The following GRM8 variants were observed in gnomAD, a reference collection of about 807,000 sequenced individuals.
GRM8 encodes glutamate metabotropic receptor 8.
Under a neutral mutation model 87.2 loss-of-function variants are expected in GRM8, and 47 were observed. The observed-to-expected ratio is 0.54, with a 90% confidence interval of 0.43 to 0.69. The LOEUF is 0.69. GRM8 is among the 30% of genes least tolerant of loss of function. GRM8 has a pLI of 0.00. For missense variants in GRM8, 1,019 were observed against 1,139.2 expected (o/e 0.89, Z 1.52); for synonymous variants, 396 against 404.5 (o/e 0.98, Z 0.25).
intron 2 of GRM8, among the ~76,000 whole-genome samples, chr7:127,183,177 ATACTT>A (rs763807698): frequency 3.6e-4 from 54 of 152,098 alleles, no homozygotes; most frequent in Non-Finnish European, 4.9e-4. Context: ...TTCAGGAAAA[ATACTT>A]AAATAAAGGC....
intron 3 of GRM8, among the ~76,000 whole-genome samples, chr7:126,936,081 A>G (rs1298654238): frequency 6.6e-6 from 1 of 152,208 alleles, no homozygotes; most frequent in Non-Finnish European, 1.5e-5. Context: ...GATAAAAACC[A>G]TCTAAATCAT....
chr7:126,600,118 C>T lies in GRM8; in HGVS notation c.1494+9244G>A, dbSNP rs148201888. Among the ~76,000 whole-genome samples, 7 of 152,258 alleles carry T rather than the reference C, an allele frequency of 4.6e-5. No homozygotes were observed. In the East Asian group the frequency reaches 1.2e-3, roughly 25 times the overall value. On this transcript the variant is annotated intron_variant, in intron 8 of 10. Transcript: ENST00000339582. Reference sequence around the variant, plus strand: ...AAGGTGATCATTGATTCCTTGAATTCACATTCAAACCACTGAATTCAAATA... The same window carrying T: ...AAGGTGATCATTGATTCCTTGAATTTACATTCAAACCACTGAATTCAAATA...
At chr7:126,812,910 T>C (rs1462710471) in intron 6 of GRM8, among the ~76,000 whole-genome samples, 2 of 152,108 alleles carry the variant, frequency 1.3e-5, no homozygotes, top group African/African-American at 4.8e-5. Context: ...GAAACTTTTA[T>C]GCAGTCTACC....
At position 127,053,798 on chromosome 7, in the gene GRM8, A is replaced by AGGGG. The variant is rs33927872; in HGVS notation, c.727+52694_727+52697dup. 3.3e-4 allele frequency among the ~76,000 whole-genome samples: 34 copies of AGGGG among 104,412 alleles called. 1 individual carries two copies. Among genetic ancestry groups the AGGGG allele is most frequent in the Admixed American group, 5.3e-4 (5 of 9,480 alleles). The allele number at this position is 104,412 out of a possible 152,430, so 68.5% of individuals were successfully genotyped here. ...GCGAGACTCTGTCTCAAAAAAAAAA[A>AGGGG]GGGGGGGGGGAATATACATTTCATC... On this transcript the variant is annotated intron_variant, in intron 3 of 10. Coordinates refer to ENST00000339582, the MANE Select transcript of GRM8 (RefSeq NM_000845.3).
chr7:126,739,760 C>T (rs1272622058), intron 7 of GRM8, among the ~76,000 whole-genome samples: 1 of 152,002 alleles, frequency 6.6e-6, no homozygotes, highest in Non-Finnish European at 1.5e-5. Context: ...ACATTTCGGT[C>T]AATAACAGAC....
intron 6 of GRM8, among the ~76,000 whole-genome samples, chr7:126,863,122 G>A (rs1052505789): frequency 2.6e-5 from 4 of 151,948 alleles, no homozygotes; most frequent in African/African-American, 7.3e-5. Context: ...TGAAGTGATC[G>A]CTGTATGCCA....
intron 8 of GRM8, among the ~76,000 whole-genome samples, chr7:126,548,599 T>C (rs550690132): frequency 4.7e-4 from 72 of 152,228 alleles, no homozygotes; most frequent in Non-Finnish European, 8.8e-4. Context: ...TGTAGCTACA[T>C]TGGGAAGATG....
chr7:126,614,598 C>T (rs1361022954), intron 7 of GRM8, among the ~76,000 whole-genome samples: 1 of 152,104 alleles, frequency 6.6e-6, no homozygotes, highest in East Asian at 1.9e-4. Context: ...GAAGTTCGAA[C>T]CCAATGCAAA....
chr7:126,930,952 C>A (rs1805702877), intron 3 of GRM8, among the ~76,000 whole-genome samples: 1 of 152,172 alleles, frequency 6.6e-6, no homozygotes, highest in Non-Finnish European at 1.5e-5. Context: ...CTGCTTCCAC[C>A]TCTCTCCAGC....
At chr7:126,766,420 A>T (rs1370392812) in intron 7 of GRM8, among the ~76,000 whole-genome samples, 1 of 152,114 alleles carries the variant, frequency 6.6e-6, no homozygotes, top group East Asian at 1.9e-4. Context: ...ATTTAACAAC[A>T]ATTTTATCTA....
intron 9 of GRM8, among the ~76,000 whole-genome samples, chr7:126,529,232 A>T (rs1814408402): frequency 1.3e-5 from 2 of 152,220 alleles, no homozygotes; most frequent in African/African-American, 4.8e-5. Flanking sequence ...ATGCCTACAG[A>T]AGATTCCCAT....
At chr7:126,522,208 C>T (rs1439172003) in intron 9 of GRM8, among the ~76,000 whole-genome samples, 3 of 152,186 alleles carry the variant, frequency 2.0e-5, no homozygotes, top group African/African-American at 4.8e-5. Flanking sequence ...GTCTTCTGTT[C>T]CCAATTCAAC....
At chr7:126,640,781 T>C (rs73226906) in intron 7 of GRM8, among the ~76,000 whole-genome samples, 46,609 of 151,694 alleles carry the variant, frequency 0.31, 8,024 homozygotes, top group East Asian at 0.43. Flanking sequence ...GCTCTCTCCC[T>C]GTCTCCTGAT....
intron 3 of GRM8, among the ~76,000 whole-genome samples, chr7:126,917,865 A>T (rs535774325): frequency 2.6e-4 from 39 of 152,334 alleles, no homozygotes; most frequent in African/African-American, 7.5e-4. Context: ...CAGAAATTTC[A>T]TTGACCGACA....
At chr7:126,926,183 T>C in intron 3 of GRM8, among the ~76,000 whole-genome samples, 1 of 152,202 alleles carries the variant, frequency 6.6e-6, no homozygotes, top group Non-Finnish European at 1.5e-5. Context: ...TTTAAGATTA[T>C]TAGTGTAAGC....
chr7:126,443,430 T>C (rs1563011023), intron 10 of GRM8, among the ~76,000 whole-genome samples: 1 of 151,986 alleles, frequency 6.6e-6, no homozygotes, highest in Admixed American at 6.6e-5. Flanking sequence ...CCTTTCATTG[T>C]AGGATGGCCA....
intron 7 of GRM8, among the ~76,000 whole-genome samples, chr7:126,663,234 T>G (rs868199538): frequency 6.6e-6 from 1 of 152,108 alleles, no homozygotes; most frequent in African/African-American, 2.4e-5. Flanking sequence ...CTGGTACCAA[T>G]CCTACTGACG....
intron 3 of GRM8, among the ~76,000 whole-genome samples, chr7:127,039,030 T>C (rs866127147): frequency 6.6e-6 from 1 of 152,196 alleles, no homozygotes; most frequent in South Asian, 2.1e-4. Context: ...CTTAGTGCAC[T>C]GCAATCTGAA....
At chr7:126,906,634 C>T (rs1043673317) in intron 3 of GRM8, among the ~76,000 whole-genome samples, 13 of 152,162 alleles carry the variant, frequency 8.5e-5, no homozygotes, top group Middle Eastern at 3.2e-3. Flanking sequence ...AAAGAAGAAA[C>T]GTCTGGTAGC....
Sources: gnomAD v4.1 joint callset for allele counts (sites outside exome capture counted in the v4.1 genomes callset) on GRCh38, gnomAD v4.1.1 for gene constraint, MANE v1.5 for transcripts, NCBI Gene and HGNC (gene_info 2026-07-23, HGNC 2026-07-21) for gene names.